Variants in CAST observed in about 807,000 individuals in gnomAD.
CAST encodes the protein calpastatin, also known as MIR583 host.
Under a neutral mutation model 119.6 loss-of-function variants are expected in CAST, and 76 were observed. The observed-to-expected ratio is 0.64, with a 90% CI of 0.53 to 0.77. The LOEUF is 0.77. Among genes scored for constraint, CAST ranks in the 30% least tolerant of loss-of-function variants. CAST has a pLI of 0.00. For missense variants in CAST, 953 were observed against 946.5 expected (o/e 1.01, Z -0.09); for synonymous variants, 319 against 331.6 (o/e 0.96, Z 0.41).
chr5:96,012,420 T>C, the CAST span, among the ~76,000 whole-genome samples: 1 of 152,190 alleles, frequency 6.6e-6, no homozygotes, highest in Admixed American at 6.5e-5. Context: ...AACTTACAGT[T>C]CCTTCTTTAT....
chr5:96,267,088 G>A, the CAST span, among the ~76,000 whole-genome samples: 2 of 152,136 alleles, frequency 1.3e-5, no homozygotes, highest in African/African-American at 2.4e-5. Flanking sequence ...AATAATTAGT[G>A]AGCCTGAAGA....
the CAST span, among the ~76,000 whole-genome samples, chr5:96,297,366 CT>C: frequency 1.3e-5 from 2 of 152,152 alleles, no homozygotes; most frequent in Non-Finnish European, 2.9e-5. Flanking sequence ...TTTCTTATTT[CT>C]ACTCTGAGTA....
At chr5:96,363,909 C>A in the CAST span, among the ~76,000 whole-genome samples, 1 of 152,114 alleles carries the variant, frequency 6.6e-6, no homozygotes, top group Non-Finnish European at 1.5e-5. Flanking sequence ...CTGTCTTTTG[C>A]CAGTTTTCAA....
At chr5:96,625,054 T>A (rs1432548170) in intron 1 of CAST, among the ~76,000 whole-genome samples, 1 of 152,320 alleles carries the variant, frequency 6.6e-6, no homozygotes, top group Non-Finnish European at 1.5e-5. Context: ...GTGTAAATAT[T>A]TGAGGCAGAA....
At chr5:96,646,626 A>G (rs558682431) in intron 1 of CAST, among the ~76,000 whole-genome samples, 6 of 152,354 alleles carry the variant, frequency 3.9e-5, no homozygotes, top group African/African-American at 1.4e-4. Flanking sequence ...TTAAAATATT[A>G]AAAAATTATA....
the CAST span, among the ~76,000 whole-genome samples, chr5:96,259,557 T>C: frequency 6.6e-6 from 1 of 152,198 alleles, no homozygotes; most frequent in African/African-American, 2.4e-5. Flanking sequence ...TTTTGGAAGA[T>C]AGCCTTAGAT....
At chr5:96,085,318 A>G in the CAST span, among the ~76,000 whole-genome samples, 1 of 152,256 alleles carries the variant, frequency 6.6e-6, no homozygotes, top group Non-Finnish European at 1.5e-5. Flanking sequence ...TTACATGATT[A>G]CAACACAGTG....
At chr5:96,239,551 G>A in the CAST span, among the ~76,000 whole-genome samples, 2 of 151,802 alleles carry the variant, frequency 1.3e-5, no homozygotes, top group African/African-American at 2.4e-5. Context: ...CTTCAATCCT[G>A]AAATGTTAAA....
At chr5:96,065,829 C>T in the CAST span, among the ~76,000 whole-genome samples, 1 of 152,126 alleles carries the variant, frequency 6.6e-6, no homozygotes, top group Non-Finnish European at 1.5e-5. Flanking sequence ...AATTAACCCA[C>T]AGATCCTTTT....
the CAST span, among the ~76,000 whole-genome samples, chr5:96,486,671 A>T: frequency 6.6e-6 from 1 of 151,112 alleles, no homozygotes; most frequent in South Asian, 2.1e-4. Flanking sequence ...TTGTCTGAAG[A>T]TTACACTGGA....
intron 3 of CAST, among the ~76,000 whole-genome samples, chr5:96,715,556 GATA>G (rs1757046485): frequency 6.6e-6 from 1 of 152,108 alleles, no homozygotes; most frequent in African/African-American, 2.4e-5. Context: ...ATAAAATGCA[GATA>G]ATGTTTACCT....
chr5:95,980,837 C>A, the CAST span, among the ~76,000 whole-genome samples: 1 of 152,092 alleles, frequency 6.6e-6, no homozygotes, highest in Non-Finnish European at 1.5e-5. Context: ...TGGCTGGGGA[C>A]CCCCAAGAGT....
chr5:96,281,402 T>A, the CAST span, among the ~76,000 whole-genome samples: 83 of 152,358 alleles, frequency 5.4e-4, 1 homozygote, highest in African/African-American at 2.0e-3. Flanking sequence ...TGTCTCTGTG[T>A]GTGGTGAACA....
chr5:96,762,038 G>T, intron 24 of CAST: 1 of 339,326 alleles, frequency 2.9e-6, no homozygotes. Context: ...TTATATTATT[G>T]CATAGTATTT....
chr5:96,050,601 A>T, the CAST span, among the ~76,000 whole-genome samples: 1 of 152,246 alleles, frequency 6.6e-6, no homozygotes, highest in Non-Finnish European at 1.5e-5. Context: ...GGTGCTGGCC[A>T]TAGGGCAAAA....
chr5:96,142,289 G>A, the CAST span, among the ~76,000 whole-genome samples: 18 of 152,016 alleles, frequency 1.2e-4, no homozygotes, highest in African/African-American at 4.3e-4. Flanking sequence ...GCGTGTGCCT[G>A]TAATCCCAGC....
chr5:96,143,592 A>G, the CAST span, among the ~76,000 whole-genome samples: 1 of 152,210 alleles, frequency 6.6e-6, no homozygotes, highest in African/African-American at 2.4e-5. Context: ...TGCCTGCTAG[A>G]TATATGTTTA....
At chr5:96,061,338 C>T in the CAST span, among the ~76,000 whole-genome samples, 1 of 152,036 alleles carries the variant, frequency 6.6e-6, no homozygotes, top group African/African-American at 2.4e-5. Flanking sequence ...TTGGGTCATA[C>T]CACAAGTTAA....
chr5:96,718,137 C>G (rs1757514663), intron 3 of CAST, among the ~76,000 whole-genome samples: 1 of 152,170 alleles, frequency 6.6e-6, no homozygotes, highest in African/African-American at 2.4e-5. Context: ...CCCCATTTTA[C>G]AGATGAGGAA....
Sources: allele counts gnomAD v4.1 joint callset (sites outside exome capture counted in the v4.1 genomes callset), GRCh38; gene constraint gnomAD v4.1.1; transcripts MANE v1.5; gene names NCBI Gene and HGNC (gene_info 2026-07-23, HGNC 2026-07-21).